The following WNT7B variants were observed in gnomAD, a reference collection of about 807,000 sequenced individuals.
The protein encoded by WNT7B is protein Wnt-7b.
In WNT7B, 19 loss-of-function variants were observed where a neutral mutation model predicts 38.2. The ratio of observed to expected loss-of-function variants is 0.50; its 90% CI spans 0.35 to 0.73. WNT7B has a LOEUF of 0.73. Among genes scored for constraint, WNT7B ranks in the 30% least tolerant of loss-of-function variants. The pLI, the probability that WNT7B is intolerant of heterozygous loss-of-function variation, is 0.01. For missense variants in WNT7B, 423 were observed against 507.9 expected (o/e 0.83, Z 1.61); for synonymous variants, 243 against 209.3 (o/e 1.16, Z -1.39).
intron 1 of WNT7B, among the ~76,000 whole-genome samples, chr22:45,959,738 A>G (rs778832893): frequency 6.6e-6 from 1 of 152,012 alleles, no homozygotes; most frequent in East Asian, 1.9e-4. Flanking sequence ...CCGGCTCCCA[A>G]CCTGGCACCC....
chr22:45,931,613 C>G (rs541876081), intron 2 of WNT7B, among the ~76,000 whole-genome samples: 1 of 135,480 alleles, frequency 7.4e-6, no homozygotes, highest in Non-Finnish European at 1.7e-5. Flanking sequence ...GTGCCTGGTA[C>G]ACAGCAGGCC....
chr22:45,969,360 G>A (rs901574337), intron 1 of WNT7B, among the ~76,000 whole-genome samples: 1 of 152,248 alleles, frequency 6.6e-6, no homozygotes, highest in Non-Finnish European at 1.5e-5. Flanking sequence ...GAGGAAGACT[G>A]AGAGCGGAAG....
chr22:45,928,803 G>T (rs748424611), intron 3 of WNT7B, among the ~76,000 whole-genome samples: 5 of 152,302 alleles, frequency 3.3e-5, no homozygotes, highest in South Asian at 2.1e-4. Flanking sequence ...GGCACCTGTA[G>T]CCCAGAGACC....
intron 2 of WNT7B, among the ~76,000 whole-genome samples, chr22:45,940,752 G>T (rs1036376275): frequency 6.6e-6 from 1 of 152,212 alleles, no homozygotes. Context: ...TGGAGGGACT[G>T]GGGTGCAGGG....
At chr22:45,973,986 A>G (rs1360062378) in intron 1 of WNT7B, among the ~76,000 whole-genome samples, 1 of 152,112 alleles carries the variant, frequency 6.6e-6, no homozygotes, top group Non-Finnish European at 1.5e-5. Flanking sequence ...TCAGAACTTT[A>G]TGACCCTGAA....
chr22:45,972,279 G>T, intron 1 of WNT7B: 1 of 591,434 alleles, frequency 1.7e-6, no homozygotes. Flanking sequence ...GGCTCCGCGG[G>T]CCGGGCGCCT....
intron 1 of WNT7B, among the ~76,000 whole-genome samples, chr22:45,970,627 C>T (rs1932414050): frequency 6.6e-6 from 1 of 152,152 alleles, no homozygotes; most frequent in Admixed American, 6.5e-5. Flanking sequence ...CCTCAGCCAG[C>T]CGGCTCCAAA....
At chr22:45,944,301 C>T (rs1015720166) in intron 2 of WNT7B, among the ~76,000 whole-genome samples, 3 of 152,206 alleles carry the variant, frequency 2.0e-5, no homozygotes, top group Non-Finnish European at 2.9e-5. Flanking sequence ...GACCAGCAGC[C>T]GCCTAGCCCA....
intron 2 of WNT7B, among the ~76,000 whole-genome samples, chr22:45,948,827 CTTTTTTTTT>C (rs749735538): frequency 4.4e-4 from 40 of 90,156 alleles, no homozygotes; most frequent in East Asian, 8.5e-4. Context: ...CCAAAGATCC[CTTTTTTTTT>C]TTTTTTTTTT....
chr22:45,941,726 G>A (rs999219073), intron 2 of WNT7B, among the ~76,000 whole-genome samples: 1 of 152,148 alleles, frequency 6.6e-6, no homozygotes, highest in African/African-American at 2.4e-5. Context: ...TCCCAGCATT[G>A]CCCAGCCCCC....
chr22:45,961,366 G>A (rs1018477078), intron 1 of WNT7B, among the ~76,000 whole-genome samples: 2 of 152,208 alleles, frequency 1.3e-5, no homozygotes, highest in African/African-American at 2.4e-5. Context: ...GGGGAGGCCC[G>A]GGAGGGGCCT....
At chr22:45,929,830 ACTCT>A (rs1748410524) in intron 3 of WNT7B, among the ~76,000 whole-genome samples, 52 of 146,714 alleles carry the variant, frequency 3.5e-4, no homozygotes, top group African/African-American at 1.2e-3. Flanking sequence ...CTTCCCATGC[ACTCT>A]TCTATACATC....
chr22:45,929,866 ATCC>A (rs1931267766), intron 3 of WNT7B, among the ~76,000 whole-genome samples: 1 of 150,336 alleles, frequency 6.7e-6, no homozygotes. Context: ...CCTTCCATCC[ATCC>A]ATCCAACCAT....
chr22:45,949,654 G>A (rs1420144629), intron 2 of WNT7B, among the ~76,000 whole-genome samples: 5 of 152,236 alleles, frequency 3.3e-5, no homozygotes, highest in Non-Finnish European at 5.9e-5. Context: ...AGGGCCCACG[G>A]CCACGTCACG....
intron 1 of WNT7B, among the ~76,000 whole-genome samples, chr22:45,963,668 T>C (rs1932246259): frequency 6.6e-6 from 1 of 152,102 alleles, no homozygotes; most frequent in Non-Finnish European, 1.5e-5. Context: ...GCTCTGCCTC[T>C]TCCCACCCTC....
intron 3 of WNT7B, among the ~76,000 whole-genome samples, chr22:45,928,674 C>G (rs1269576330): frequency 7.1e-6 from 1 of 140,244 alleles, no homozygotes; most frequent in East Asian, 2.1e-4. Context: ...TGTGAGTCAC[C>G]AGACACCTCC....
chr22:45,975,577 G>A lies in WNT7B; in HGVS notation c.71+1107C>T, dbSNP rs993179216. 4.2e-6 allele frequency: 3 copies of A among 716,948 alleles called. No individual in the cohort carries two copies. In the South Asian group the frequency reaches 4.4e-5, roughly 11 times the overall value. The allele number at this position is 716,948 out of a possible 1,614,324, so 44.4% of individuals were successfully genotyped here. Reference sequence around the variant, plus strand: ...ATGGCGGGGCAGACATGGGATGGAGGGTGATGGAGAGACGATTCCCAGCGC... The same window carrying A: ...ATGGCGGGGCAGACATGGGATGGAGAGTGATGGAGAGACGATTCCCAGCGC... On this transcript the variant is annotated intron_variant, in intron 1 of 3. Coordinates refer to ENST00000339464, the MANE Select transcript of WNT7B (RefSeq NM_058238.3). This position sits in a 1 kb window ranked among gnomAD's most constrained non-coding sequence, Gnocchi z 6.6.
At chr22:45,926,054 G>C in intron 3 of WNT7B, 2 of 985,404 alleles carry the variant, frequency 2.0e-6, no homozygotes, top group Non-Finnish European at 2.4e-6. Context: ...GGGGATAATC[G>C]GCTCCCGCAG....
At chr22:45,929,211 G>C (rs1438752022) in intron 3 of WNT7B, among the ~76,000 whole-genome samples, 5 of 152,166 alleles carry the variant, frequency 3.3e-5, no homozygotes, top group African/African-American at 7.2e-5. Context: ...CCTCCAGGTA[G>C]GTGAACCACA....
Sources: gnomAD v4.1 joint callset for allele counts (sites outside exome capture counted in the v4.1 genomes callset) on GRCh38, gnomAD v4.1.1 for gene constraint, Gnocchi (gnomAD v3.1) non-coding constraint, MANE v1.5 for transcripts, NCBI Gene and HGNC (gene_info 2026-07-23, HGNC 2026-07-21) for gene names.